Variants in MROH9 observed in about 807,000 individuals in gnomAD.
MROH9 encodes maestro heat like repeat family member 9.
Under a neutral mutation model 98.2 loss-of-function variants are expected in MROH9, and 92 were observed. That is an observed-to-expected ratio of 0.94 (90% CI 0.79 to 1.11). The LOEUF (loss-of-function observed/expected upper bound fraction) is 1.11, where lower values mean the gene tolerates loss of function less well. MROH9 is among the 50% of genes most tolerant of loss of function. The pLI, the probability that MROH9 is intolerant of heterozygous loss-of-function variation, is 0.00. For missense variants in MROH9, 1,057 were observed against 1,014.8 expected, an observed-to-expected ratio of 1.04 and a Z score of -0.57; for synonymous variants, 397 against 368.9, an observed-to-expected ratio of 1.08 and a Z score of -0.87.
At chr1:170,941,248 T>A (rs866947089) in intron 1 of MROH9, among the ~76,000 whole-genome samples, 6 of 152,296 alleles carry the variant, frequency 3.9e-5, no homozygotes, top group Non-Finnish European at 8.8e-5. Flanking sequence ...CATAGGTCCC[T>A]TTGTGGCAGA....
intron 4 of MROH9, among the ~76,000 whole-genome samples, chr1:170,959,203 G>A (rs916201999): frequency 2.6e-5 from 4 of 151,844 alleles, no homozygotes; most frequent in Admixed American, 1.3e-4. Flanking sequence ...GTGAAACCCC[G>A]TCTCTACTGA....
At chr1:171,035,279 AAAT>A (rs1047675623) in intron 20 of MROH9, among the ~76,000 whole-genome samples, 17 of 151,734 alleles carry the variant, frequency 1.1e-4, no homozygotes, top group African/African-American at 1.7e-4. Context: ...AACGTACAAA[AAAT>A]AATAATAAAT....
rs756960807 is a variant in MROH9, at chr1:170,958,464, C to T, written c.76C>T (p.His26Tyr). 3 of 1,518,948 alleles carry T rather than the reference C, an allele frequency of 2.0e-6. No individual in the cohort carries two copies. The highest frequency in any genetic ancestry group is 3.5e-5 in the Admixed American group (2 of 56,822). The allele number at this position is 1,518,948 out of a possible 1,614,324, so 94.1% of individuals were successfully genotyped here. ...QDSVKWHHMA[H>Y]KVNSLLDAYS... Reference sequence around the variant, plus strand: ...TTTTTTTTAACATGGTACTTAGGCACATAAAGTTAACAGCCTATTGGATGC... The same window carrying T: ...TTTTTTTTAACATGGTACTTAGGCATATAAAGTTAACAGCCTATTGGATGC... Residue 26 changes from histidine to tyrosine, a missense_variant, in exon 4 of 22, where the codon CAT becomes TAT. By Grantham distance (83) the His-to-Tyr change is moderately conservative. Transcript: ENST00000367759.
rs1236125730 is a variant in MROH9 at position 170,965,363 on chromosome 1, T to C, written c.480+108T>C. The C allele has an allele frequency of 1.7e-5, 12 of 708,340 alleles. No individual in the cohort carries two copies. The South Asian group carries it at 2.1e-4, about 13-fold the overall frequency. The allele number at this position is 708,340 out of a possible 1,614,324, so 43.9% of individuals were successfully genotyped here. A position where few individuals can be genotyped will look rare whatever the true frequency, so the allele number is the denominator to read the frequency against. Reference sequence around the variant, plus strand: ...AGTACTTGACAGGTCCTTGGTATTATTGTACTGGTAGGTTGGTTGGGATAT... The same window carrying C: ...AGTACTTGACAGGTCCTTGGTATTACTGTACTGGTAGGTTGGTTGGGATAT... On this transcript the variant is annotated intron_variant, in intron 7 of 21. Coordinates refer to ENST00000367759, the MANE Select transcript of MROH9 (RefSeq NM_001163629.2).
intron 15 of MROH9, among the ~76,000 whole-genome samples, chr1:170,999,162 G>A (rs2101817525): frequency 6.6e-6 from 1 of 150,610 alleles, no homozygotes; most frequent in African/African-American, 2.5e-5. Flanking sequence ...ATTTACAGGT[G>A]GGTTTCTTTT....
chr1:171,043,663 G>A (rs1199231847), intron 20 of MROH9, among the ~76,000 whole-genome samples: 1 of 151,120 alleles, frequency 6.6e-6, no homozygotes, highest in African/African-American at 2.4e-5. Flanking sequence ...TCTTTCATCA[G>A]TGTTTTATAA....
chr1:171,011,765 C>A (rs1652161747), intron 15 of MROH9, among the ~76,000 whole-genome samples: 1 of 152,140 alleles, frequency 6.6e-6, no homozygotes, highest in Non-Finnish European at 1.5e-5. Flanking sequence ...TGATCTAATC[C>A]ACACTTTTTT....
At chr1:170,967,113 T>C (rs193110911) in intron 7 of MROH9, among the ~76,000 whole-genome samples, 194 of 152,278 alleles carry the variant, frequency 1.3e-3, no homozygotes, top group African/African-American at 4.4e-3. Context: ...AAGGAATAAA[T>C]ATGTAAATTC....
At chr1:171,037,224 G>C (rs892299747) in intron 20 of MROH9, among the ~76,000 whole-genome samples, 1 of 150,964 alleles carries the variant, frequency 6.6e-6, no homozygotes, top group Admixed American at 6.6e-5. Flanking sequence ...AAATGAGGAA[G>C]AAAAGGAGGA....
chr1:171,004,631 C>T (rs1011004953), intron 15 of MROH9, among the ~76,000 whole-genome samples: 9 of 152,274 alleles, frequency 5.9e-5, no homozygotes, highest in Admixed American at 2.6e-4. Context: ...GCAGGAGCTT[C>T]CACTTCCTTC....
chr1:170,998,887 C>T (rs942661974), intron 15 of MROH9: 6 of 375,570 alleles, frequency 1.6e-5, no homozygotes, highest in African/African-American at 1.3e-4. Context: ...TACTTTCAAA[C>T]TTTGAGGTGA....
Position 170,947,572 on chromosome 1 carries a change from T to G in MROH9, c.71T>G (p.Met24Arg). ...ILQDSVKWHH[M>R]AHKVNSLLDA... ...CAAGACAGTGTGAAATGGCACCACA[T>G]GGTAAGTGATATTCTATAAGGATAT... Residue 24 changes from methionine (M) to arginine (R), a missense_variant and splice_region_variant, in exon 3 of 22, where the codon ATG becomes AGG. Physicochemically the swap from Met to Arg is moderately conservative, Grantham distance 91. Coordinates refer to ENST00000367759, the MANE Select transcript of MROH9 (RefSeq NM_001163629.2). 6.2e-7 allele frequency: 1 copy of G among 1,609,342 alleles called. No individual in the cohort carries two copies. Among genetic ancestry groups the G allele is most frequent in the African/African-American group, 1.3e-5 (1 of 74,846 alleles).
At chr1:170,980,340 A>G (rs942361903) in intron 8 of MROH9, among the ~76,000 whole-genome samples, 13 of 152,220 alleles carry the variant, frequency 8.5e-5, no homozygotes, top group Non-Finnish European at 1.6e-4. Flanking sequence ...TTCAAACTAT[A>G]CTACAAGGCT....
chr1:170,996,655 G>A lies in MROH9; in HGVS notation c.1475+11G>A, dbSNP rs767809032. 15 of 1,612,808 alleles carry A rather than the reference G, an allele frequency of 9.3e-6. No homozygotes were observed. The highest frequency in any genetic ancestry group is 1.3e-5 in the African/African-American group (1 of 74,948). ...CTGCTTTATTGCTAAGTAAGAACAG[G>A]GGTCTCTGTGTAGGATTCTTGGTCT... is the stretch of plus-strand genomic sequence containing the variant. On this transcript the variant is annotated intron_variant, in intron 14 of 21. Coordinates refer to ENST00000367759, the MANE Select transcript of MROH9 (RefSeq NM_001163629.2).
intron 17 of MROH9, among the ~76,000 whole-genome samples, chr1:171,018,168 G>A (rs1183258483): frequency 1.3e-5 from 2 of 152,074 alleles, no homozygotes; most frequent in African/African-American, 2.4e-5. Context: ...GGTGCCCCTC[G>A]AGATCCCAGA....
At chr1:170,951,246 C>A (rs1649541722) in intron 3 of MROH9, among the ~76,000 whole-genome samples, 1 of 151,992 alleles carries the variant, frequency 6.6e-6, no homozygotes, top group Non-Finnish European at 1.5e-5. Context: ...TTATGGCATT[C>A]CAATTACAGA....
chr1:170,971,839 C>T lies in MROH9; in HGVS notation c.572C>T (p.Ser191Leu). The stretch of plus-strand genomic sequence containing the variant: ...GATCCCTCGATTGTAAAACAAGCAT[C>T]ATTGGGAATGTGTCACCTCCTCTAC... ...HEDPSIVKQA[S>L]LGMCHLLYIA... is the part of the protein sequence containing the mutation. The change falls in exon 8 of 22, where the codon TCA becomes TTA. Residue 191 changes from serine to leucine, a missense_variant. Coordinates refer to ENST00000367759, the MANE Select transcript of MROH9 (RefSeq NM_001163629.2). The T allele has an allele frequency of 6.2e-7, 1 of 1,614,042 alleles. No individual in the cohort carries two copies. The highest frequency in any genetic ancestry group is 8.5e-7 in the Non-Finnish European group (1 of 1,179,938).
chr1:171,014,823 C>A (rs1355190389), intron 16 of MROH9, among the ~76,000 whole-genome samples: 1 of 152,234 alleles, frequency 6.6e-6, no homozygotes, highest in Non-Finnish European at 1.5e-5. Context: ...ATCAGCATCA[C>A]CTGGAGACTT....
rs559928699 is a variant in MROH9 at position 171,024,341 on chromosome 1, A to C, written c.1909-54A>C. On this transcript the variant is annotated intron_variant, in intron 17 of 21. Coordinates refer to ENST00000367759, the MANE Select transcript of MROH9 (RefSeq NM_001163629.2). ...GTGTGTGTGTGTGTGTAGATTACTG[A>C]TTGAAGAAAAAAGCCCTAATATTAT... 9.5e-4 allele frequency: 1,256 copies of C among 1,315,610 alleles called. 23 individuals are homozygous for C. In the South Asian group the frequency reaches 0.014, roughly 15 times the overall value. The allele number at this position is 1,315,610 out of a possible 1,614,324, so 81.5% of individuals were successfully genotyped here.
Sources: gnomAD v4.1 joint callset for allele counts (sites outside exome capture counted in the v4.1 genomes callset) on GRCh38, gnomAD v4.1.1 for gene constraint, MANE v1.5 for transcripts, NCBI Gene and HGNC (gene_info 2026-07-23, HGNC 2026-07-21) for gene names.